Variants in DHRS12 observed in about 807,000 individuals in gnomAD.
DHRS12 encodes dehydrogenase/reductase 12.
In DHRS12, 29 loss-of-function variants were observed where a neutral mutation model predicts 32.1. That is an observed-to-expected ratio of 0.90 (90% CI 0.67 to 1.23). The LOEUF (loss-of-function observed/expected upper bound fraction) is 1.23. Ranked by LOEUF, DHRS12 falls within the 50% of genes most tolerant of loss-of-function variation. The probability of loss-of-function intolerance (pLI) is 0.00; values close to 1 mark genes in which losing one functional copy is unlikely to be tolerated. For synonymous variants in DHRS12, 150 were observed against 135.9 expected, an observed-to-expected ratio of 1.10 and a Z score of -0.72; for missense variants, 330 against 337.2, an observed-to-expected ratio of 0.98 and a Z score of 0.17.
intron 4 of DHRS12, among the ~76,000 whole-genome samples, chr13:51,785,781 G>C (rs948661539): frequency 3.9e-5 from 6 of 152,168 alleles, no homozygotes; most frequent in African/African-American, 1.4e-4. Context: ...TTTTGGAGTT[G>C]TTTCATAGCA....
At chr13:51,785,539 T>G (rs1954915914) in intron 4 of DHRS12, among the ~76,000 whole-genome samples, 1 of 152,226 alleles carries the variant, frequency 6.6e-6, no homozygotes, top group Non-Finnish European at 1.5e-5. Context: ...GGGGCTTGGA[T>G]GCAAGCAGAG....
rs543258541 is a variant in DHRS12 at position 51,799,392 on chromosome 13, A to G, written c.126+142T>C. ...AGCCACCTGGAGCTCAAAACTCAGA[A>G]AGCTGGCAGCTGTGCCCAGAACCAT... is the stretch of plus-strand genomic sequence containing the variant. On this transcript the variant is annotated intron_variant, in intron 2 of 8. Transcript: ENST00000444610. 2.0e-4 allele frequency: 256 copies of G among 1,278,934 alleles called. 1 individual carries two copies. The Middle Eastern group carries it at 3.1e-3, about 15-fold the overall frequency. The allele number at this position is 1,278,934 out of a possible 1,614,324, so 79.2% of individuals were successfully genotyped here.
chr13:51,803,069 C>G (rs1955832679), intron 1 of DHRS12, among the ~76,000 whole-genome samples: 1 of 152,212 alleles, frequency 6.6e-6, no homozygotes, highest in African/African-American at 2.4e-5. Flanking sequence ...AACTGTGGGA[C>G]AGGGCTCACG....
the DHRS12 span, among the ~76,000 whole-genome samples, chr13:51,755,805 C>G: frequency 0.01 from 1,574 of 152,074 alleles, 14 homozygotes; most frequent in Non-Finnish European, 0.016. Context: ...ATTTTACTTT[C>G]CCTCCTTCTG....
intron 4 of DHRS12, among the ~76,000 whole-genome samples, chr13:51,787,868 A>ATT (rs202228274): frequency 2.6e-5 from 3 of 114,284 alleles, no homozygotes; most frequent in African/African-American, 1.1e-4. Context: ...ATAATATATA[A>ATT]ATATATAATT....
intron 2 of DHRS12, 52 bp downstream of exon 2, chr13:51,799,482 G>C: frequency 6.2e-7 from 1 of 1,606,022 alleles, no homozygotes; most frequent in Non-Finnish European, 8.5e-7. Flanking sequence ...GTGTGGACCG[G>C]CCGCAGTCTG....
At chr13:51,758,151 C>T in the DHRS12 span, 1 of 1,485,256 alleles carries the variant, frequency 6.7e-7, no homozygotes, top group Non-Finnish European at 9.2e-7. Flanking sequence ...ATTCATATGT[C>T]ACCACCTTTT....
downstream of DHRS12, chr13:51,764,211 C>CT (rs1953676565): frequency 6.6e-6 from 1 of 152,158 alleles, no homozygotes; most frequent in Non-Finnish European, 1.5e-5. Context: ...GCTTTAGGCA[C>CT]TGGCAGTGCA....
chr13:51,758,095 C>A, the DHRS12 span: 1 of 827,918 alleles, frequency 1.2e-6, no homozygotes, highest in Non-Finnish European at 1.8e-6. Context: ...GCAGTTTTAG[C>A]CACGAGGCCA....
chr13:51,771,378 G>A (rs140377210), intron 7 of DHRS12: 15 of 1,613,798 alleles, frequency 9.3e-6, no homozygotes, highest in South Asian at 8.8e-5. Flanking sequence ...CAGATCATTC[G>A]AGCTGTGTCC....
At chr13:51,774,255 T>C (rs1425528610) in intron 5 of DHRS12, 1 of 371,562 alleles carries the variant, frequency 2.7e-6, no homozygotes, top group Non-Finnish European at 4.5e-6. Context: ...TTCTCCTACA[T>C]GTATTCTCCT....
the DHRS12 span, among the ~76,000 whole-genome samples, chr13:51,754,932 C>T: frequency 6.6e-6 from 1 of 152,164 alleles, no homozygotes; most frequent in East Asian, 1.9e-4. Context: ...AATTGTTTCA[C>T]AAACAAACAT....
chr13:51,792,767 C>T (rs558151775), intron 2 of DHRS12, among the ~76,000 whole-genome samples: 20 of 152,214 alleles, frequency 1.3e-4, no homozygotes, highest in South Asian at 4.2e-4. Context: ...TTTTCAAATC[C>T]GGTTATAAGT....
At chr13:51,790,779 C>T (rs1008752230) in intron 3 of DHRS12, among the ~76,000 whole-genome samples, 2 of 152,100 alleles carry the variant, frequency 1.3e-5, no homozygotes, top group Non-Finnish European at 2.9e-5. Context: ...GAGTTTTGTG[C>T]TAATTATGTT....
chr13:51,758,862 A>T, the DHRS12 span, among the ~76,000 whole-genome samples: 1 of 152,158 alleles, frequency 6.6e-6, no homozygotes, highest in Non-Finnish European at 1.5e-5. Flanking sequence ...AAGCTACCAG[A>T]TCTCCGTGAC....
At chr13:51,771,582 C>T (rs1345372087) in intron 7 of DHRS12, 8 of 1,556,990 alleles carry the variant, frequency 5.1e-6, no homozygotes, top group South Asian at 2.4e-5. Flanking sequence ...CACCTGCTCC[C>T]GTTCCCACCA....
chr13:51,755,754 A>T, the DHRS12 span, among the ~76,000 whole-genome samples: 4 of 152,170 alleles, frequency 2.6e-5, no homozygotes, highest in Non-Finnish European at 5.9e-5. Flanking sequence ...TCGTATGGAA[A>T]CCAGACCATG....
chr13:51,768,563 CTCCCGGATACCCCA>C (rs1953859060), intron 8 of DHRS12: 2 of 1,328,312 alleles, frequency 1.5e-6, no homozygotes, highest in African/African-American at 3.0e-5. Context: ...TGCGGCCATC[CTCCCGGATACCCCA>C]GGGGTCACCA....
chr13:51,803,294 C>A (rs546331368), intron 1 of DHRS12, among the ~76,000 whole-genome samples: 26 of 152,282 alleles, frequency 1.7e-4, no homozygotes, highest in African/African-American at 5.8e-4. Context: ...CCAGTCCAGG[C>A]CCCTGTGCAG....
Sources: allele counts gnomAD v4.1 joint callset (sites outside exome capture counted in the v4.1 genomes callset), GRCh38; gene constraint gnomAD v4.1.1; transcripts MANE v1.5; gene names NCBI Gene and HGNC (gene_info 2026-07-23, HGNC 2026-07-21).